ABCD2: variants seen among roughly 807,000 people sequenced by gnomAD.
The protein encoded by ABCD2 is ATP binding cassette subfamily D member 2.
Under a neutral mutation model 70.9 loss-of-function variants are expected in ABCD2, and 36 were observed. That is an observed-to-expected ratio of 0.51 (90% CI 0.39 to 0.67). ABCD2 has a LOEUF of 0.67. ABCD2 is among the 30% of genes least tolerant of loss of function. ABCD2 has a pLI of 0.00. For missense variants in ABCD2, 729 were observed against 890.2 expected (o/e 0.82, Z 2.30); for synonymous variants, 304 against 306.9 (o/e 0.99, Z 0.10).
At chr12:39,538,171 CTT>C in the ABCD2 span, among the ~76,000 whole-genome samples, 18 of 139,648 alleles carry the variant, frequency 1.3e-4, no homozygotes, top group Non-Finnish European at 1.2e-4. Flanking sequence ...TTCTTTCTTT[CTT>C]TTTTTTTTTT....
the ABCD2 span, among the ~76,000 whole-genome samples, chr12:39,538,703 C>A: frequency 1.3e-5 from 2 of 152,178 alleles, no homozygotes; most frequent in African/African-American, 4.8e-5. Context: ...AGTAACTCCT[C>A]CCTTCGCAGA....
chr12:39,611,637 G>A (rs1591998679), intron 2 of ABCD2, among the ~76,000 whole-genome samples: 1 of 152,052 alleles, frequency 6.6e-6, no homozygotes, highest in South Asian at 2.1e-4. Flanking sequence ...TTATTATGTT[G>A]AGTTAGGCAG....
At chr12:39,537,677 C>G in the ABCD2 span, among the ~76,000 whole-genome samples, 2 of 152,148 alleles carry the variant, frequency 1.3e-5, no homozygotes, top group East Asian at 3.8e-4. Context: ...ATAATAACCA[C>G]TTATGTACAT....
chr12:39,535,549 A>G, the ABCD2 span, among the ~76,000 whole-genome samples: 1 of 152,310 alleles, frequency 6.6e-6, no homozygotes, highest in South Asian at 2.1e-4. Flanking sequence ...ATAGTCCAAA[A>G]TAAATCTACA....
intron 3 of ABCD2, among the ~76,000 whole-genome samples, 169 bp from the exon 4 acceptor site, chr12:39,605,099 C>G (rs2120733661): frequency 6.6e-6 from 1 of 151,964 alleles, no homozygotes; most frequent in Middle Eastern, 3.4e-3. Flanking sequence ...TACAAAAGAG[C>G]ACTATAACAC....
At chr12:39,561,901 A>T (rs1941265359) in intron 9 of ABCD2, among the ~76,000 whole-genome samples, 1 of 152,186 alleles carries the variant, frequency 6.6e-6, no homozygotes, top group South Asian at 2.1e-4. Context: ...CTTCTCAACT[A>T]CACATGGAAC....
chr12:39,604,030 A>G (rs1941936812), intron 4 of ABCD2, 24 bp from the exon 5 acceptor site: 1 of 1,486,170 alleles, frequency 6.7e-7, no homozygotes, highest in Non-Finnish European at 9.4e-7. Flanking sequence ...AAAGTGTAAG[A>G]TACAAACATT....
intron 9 of ABCD2, among the ~76,000 whole-genome samples, chr12:39,569,528 C>G (rs1014408481): frequency 2.0e-5 from 3 of 152,196 alleles, no homozygotes; most frequent in African/African-American, 7.2e-5. Context: ...GTCTGTCAAC[C>G]CTTACTTTGA....
chr12:39,538,085 C>A, the ABCD2 span, among the ~76,000 whole-genome samples: 3,274 of 152,096 alleles, frequency 0.022, 124 homozygotes, highest in African/African-American at 0.076. Flanking sequence ...GGTATTTAAA[C>A]CCCCCAAAAT....
chr12:39,602,197 G>A (rs934544048), intron 5 of ABCD2, among the ~76,000 whole-genome samples: 4 of 150,266 alleles, frequency 2.7e-5, no homozygotes, highest in African/African-American at 9.8e-5. Context: ...TTCTGTCTCA[G>A]GTTGGAGTGC....
intron 9 of ABCD2, among the ~76,000 whole-genome samples, chr12:39,565,699 C>T (rs1421180316): frequency 1.3e-5 from 2 of 152,154 alleles, no homozygotes; most frequent in Admixed American, 1.3e-4. Flanking sequence ...GCATCCCTGT[C>T]TTGTGCCAGT....
chr12:39,544,637 A>T, the ABCD2 span, among the ~76,000 whole-genome samples: 1 of 152,166 alleles, frequency 6.6e-6, no homozygotes, highest in Non-Finnish European at 1.5e-5. Flanking sequence ...AGGTGGTTTC[A>T]ATCCCTCCCT....
chr12:39,607,043 G>T (rs1179220119), intron 3 of ABCD2, among the ~76,000 whole-genome samples: 1 of 152,160 alleles, frequency 6.6e-6, no homozygotes, highest in African/African-American at 2.4e-5. Flanking sequence ...CCCAAACTCT[G>T]CAGGAAGAAT....
chr12:39,563,290 C>A (rs960023533), intron 9 of ABCD2, among the ~76,000 whole-genome samples: 1 of 152,034 alleles, frequency 6.6e-6, no homozygotes, highest in Non-Finnish European at 1.5e-5. Flanking sequence ...CTTCGGGAGG[C>A]CAAGGTGGGA....
chr12:39,588,298 C>T (rs1016152966), intron 6 of ABCD2, among the ~76,000 whole-genome samples: 1 of 152,120 alleles, frequency 6.6e-6, no homozygotes, highest in African/African-American at 2.4e-5. Context: ...CAGACCCCCC[C>T]ATATCTGTAA....
the ABCD2 span, among the ~76,000 whole-genome samples, chr12:39,544,769 G>A: frequency 6.6e-6 from 1 of 152,198 alleles, no homozygotes; most frequent in South Asian, 2.1e-4. Context: ...ACCCCAGGGT[G>A]AGAAGAGTGG....
intron 7 of ABCD2, among the ~76,000 whole-genome samples, chr12:39,580,951 T>C (rs1941588168): frequency 6.6e-6 from 1 of 152,332 alleles, no homozygotes. Context: ...TTGATTCTTT[T>C]GCTGGTGAGA....
chr12:39,548,014 A>G (rs147746173), downstream of ABCD2, among the ~76,000 whole-genome samples: 2 of 152,196 alleles, frequency 1.3e-5, no homozygotes, highest in Non-Finnish European at 2.9e-5. Context: ...CATTGTGTGG[A>G]AGTGATATGC....
intron 9 of ABCD2, among the ~76,000 whole-genome samples, chr12:39,570,789 G>T (rs919695558): frequency 6.6e-6 from 1 of 151,920 alleles, no homozygotes; most frequent in African/African-American, 2.4e-5. Context: ...GTGCAACAAA[G>T]AAAACAATCA....
Sources: allele counts gnomAD v4.1 joint callset (sites outside exome capture counted in the v4.1 genomes callset), GRCh38; gene constraint gnomAD v4.1.1; transcripts MANE v1.5; gene names NCBI Gene and HGNC (gene_info 2026-07-23, HGNC 2026-07-21).